ATRN: variants seen among roughly 807,000 people sequenced by gnomAD.
ATRN encodes attractin-2.
A neutral mutation model predicts 178.7 loss-of-function variants in ATRN; 54 were observed. The observed-to-expected ratio is 0.30, with a 90% CI of 0.24 to 0.38. The LOEUF (loss-of-function observed/expected upper bound fraction) is 0.38, where lower values mean the gene tolerates loss of function less well. Ranked by LOEUF, ATRN falls within the 10% of genes least tolerant of loss-of-function variation. The pLI is 1.00. For missense variants in ATRN, 1,443 were observed against 1,815.1 expected (o/e 0.79, Z 3.73); for synonymous variants, 636 against 663.0 (o/e 0.96, Z 0.63).
At chr20:3,639,665 T>C (rs541834547) in intron 27 of ATRN, among the ~76,000 whole-genome samples, 1 of 152,162 alleles carries the variant, frequency 6.6e-6, no homozygotes, top group South Asian at 2.1e-4. Flanking sequence ...ATGAAGAAAA[T>C]GGTAAGACTT....
At chr20:3,576,799 T>A in intron 13 of ATRN, 60 bp from the exon 14 acceptor site, 9 of 1,585,534 alleles carry the variant, frequency 5.7e-6, no homozygotes, top group Non-Finnish European at 7.7e-6. Context: ...ATCCTGTTGG[T>A]CCTCACCATA....
intron 11 of ATRN, among the ~76,000 whole-genome samples, chr20:3,565,796 C>CAAAA (rs10582104): frequency 3.5e-4 from 35 of 100,206 alleles, no homozygotes; most frequent in South Asian, 7.0e-4. Context: ...GACTCTGTCT[C>CAAAA]AAAAAAAAAA....
At chr20:3,547,601 C>T (rs2085724823) in intron 5 of ATRN, 112 bp downstream of exon 5, 2 of 918,960 alleles carry the variant, frequency 2.2e-6, no homozygotes, top group Non-Finnish European at 3.2e-6. Flanking sequence ...TAATCAAATA[C>T]GAGGTAGCAT....
intron 22 of ATRN, among the ~76,000 whole-genome samples, chr20:3,599,884 T>TTATCA (rs2086585966): frequency 1.3e-5 from 2 of 152,202 alleles, no homozygotes; most frequent in Non-Finnish European, 2.9e-5. Context: ...GTAAATGCTT[T>TTATCA]GTGAGAGAAA....
intron 6 of ATRN, among the ~76,000 whole-genome samples, chr20:3,557,582 T>C (rs1205970850): frequency 6.6e-6 from 1 of 152,132 alleles, no homozygotes; most frequent in Non-Finnish European, 1.5e-5. Flanking sequence ...CAGAGGAGAA[T>C]TGAAGAGCTC....
At chr20:3,603,268 C>T (rs540944636) in intron 23 of ATRN, among the ~76,000 whole-genome samples, 36 of 152,008 alleles carry the variant, frequency 2.4e-4, no homozygotes, top group East Asian at 5.8e-4. Flanking sequence ...AGGCAGTGAG[C>T]GGTACATCAG....
chr20:3,633,183 G>A (rs2087001609), intron 25 of ATRN, among the ~76,000 whole-genome samples: 1 of 152,186 alleles, frequency 6.6e-6, no homozygotes, highest in Admixed American at 6.5e-5. Flanking sequence ...TGTCCTGATA[G>A]CAGAGAGGCC....
chr20:3,644,939 A>G (rs1461693293), intron 28 of ATRN, among the ~76,000 whole-genome samples: 1 of 152,220 alleles, frequency 6.6e-6, no homozygotes, highest in Non-Finnish European at 1.5e-5. Flanking sequence ...CTTTTTTCAT[A>G]TAACTATCTT....
At chr20:3,488,278 G>A (rs557311143) in intron 1 of ATRN, among the ~76,000 whole-genome samples, 34 of 151,980 alleles carry the variant, frequency 2.2e-4, no homozygotes, top group African/African-American at 7.0e-4. Context: ...TTCCAAGATC[G>A]TGGAGATATT....
At chr20:3,490,513 T>C in intron 1 of ATRN, 3 of 1,186,642 alleles carry the variant, frequency 2.5e-6, no homozygotes, top group South Asian at 2.4e-5. Context: ...GTCAAATAAT[T>C]GGTCAGAGAT....
intron 1 of ATRN, among the ~76,000 whole-genome samples, chr20:3,474,246 T>C (rs2084479479): frequency 6.6e-6 from 1 of 152,192 alleles, no homozygotes; most frequent in Admixed American, 6.5e-5. Flanking sequence ...GGGACTCCCC[T>C]GCTTATTGTG....
At chr20:3,575,112 C>T (rs1253427132) in intron 12 of ATRN, among the ~76,000 whole-genome samples, 4 of 152,112 alleles carry the variant, frequency 2.6e-5, no homozygotes, top group South Asian at 2.1e-4. Context: ...TACAGGAACG[C>T]GCCACTATGC....
chr20:3,624,873 TG>T (rs35723816), intron 25 of ATRN, among the ~76,000 whole-genome samples: 3,518 of 152,296 alleles, frequency 0.023, 103 homozygotes, highest in African/African-American at 0.069. Flanking sequence ...GGGGAGAATT[TG>T]GGACTAAAAC....
chr20:3,640,760 T>C (rs2087061532), intron 27 of ATRN, among the ~76,000 whole-genome samples: 1 of 152,198 alleles, frequency 6.6e-6, no homozygotes, highest in Non-Finnish European at 1.5e-5. Context: ...CAATCTGGGT[T>C]TATACATAGA....
At chr20:3,593,113 A>G (rs181541268) in intron 19 of ATRN, among the ~76,000 whole-genome samples, 15 of 152,266 alleles carry the variant, frequency 9.9e-5, no homozygotes, top group Non-Finnish European at 1.6e-4. Context: ...GCTAAGAACC[A>G]CGCCCAGTCT....
intron 6 of ATRN, among the ~76,000 whole-genome samples, chr20:3,554,477 A>G (rs2085837854): frequency 6.6e-6 from 1 of 151,928 alleles, no homozygotes. Context: ...CTGGGACTAC[A>G]GGGGCCTGCC....
rs1334252709 is a variant in ATRN at position 3,647,626 on chromosome 20, C to G, written c.*779C>G. 1 of 152,244 alleles carries G rather than the reference C, an allele frequency of 6.6e-6. No homozygotes were observed. Among genetic ancestry groups the G allele is most frequent in the East Asian group, 1.9e-4 (1 of 5,196 alleles). The allele number at this position is 152,244 out of a possible 1,614,324, so 9.4% of individuals were successfully genotyped here. On this transcript the variant is annotated 3_prime_UTR_variant, in exon 29 of 29. Transcript: ENST00000262919. The stretch of plus-strand genomic sequence containing the variant: ...ACACATACACACACAAACACATACA[C>G]ACAACACTAAGTGCCTAGACTTTAA...
At chr20:3,506,553 G>T (rs372323080) in intron 1 of ATRN, among the ~76,000 whole-genome samples, 1 of 151,898 alleles carries the variant, frequency 6.6e-6, no homozygotes, top group Non-Finnish European at 1.5e-5. Context: ...GAACCGAGGA[G>T]GCGGAGGCTG....
At chr20:3,503,093 C>A (rs546346189) in intron 1 of ATRN, among the ~76,000 whole-genome samples, 1 of 152,130 alleles carries the variant, frequency 6.6e-6, no homozygotes, top group South Asian at 2.1e-4. Context: ...CCCTCTCAGG[C>A]AGTGCCAGCA....
Sources: allele counts gnomAD v4.1 joint callset (sites outside exome capture counted in the v4.1 genomes callset), GRCh38; gene constraint gnomAD v4.1.1; transcripts MANE v1.5; gene names NCBI Gene and HGNC (gene_info 2026-07-23, HGNC 2026-07-21).